Variants in TACC2 observed in about 807,000 individuals in gnomAD.
TACC2 encodes transforming acidic coiled-coil-containing protein 2.
Under a neutral mutation model 227.3 loss-of-function variants are expected in TACC2, and 137 were observed. The ratio of observed to expected loss-of-function variants is 0.60; its 90% CI spans 0.52 to 0.69. TACC2 has a LOEUF of 0.69. Ranked by LOEUF, TACC2 falls within the 30% of genes least tolerant of loss-of-function variation. The pLI is 0.00. For synonymous variants in TACC2, 1,523 were observed against 1,487.5 expected, an observed-to-expected ratio of 1.02 and a Z score of -0.55; for missense variants, 3,470 against 3,694.4, an observed-to-expected ratio of 0.94 and a Z score of 1.57.
intron 3 of TACC2, among the ~76,000 whole-genome samples, chr10:122,072,264 C>T (rs1336463921): frequency 6.6e-6 from 1 of 151,814 alleles, no homozygotes; most frequent in African/African-American, 2.4e-5. Flanking sequence ...TCCCCAGTAA[C>T]TCTTTAGAAT....
intron 3 of TACC2, among the ~76,000 whole-genome samples, chr10:122,058,100 C>T (rs1324971353): frequency 3.3e-5 from 5 of 152,248 alleles, no homozygotes; most frequent in African/African-American, 7.2e-5. Flanking sequence ...TGCCTTCGCA[C>T]CCTCTGCGTC....
intron 7 of TACC2, among the ~76,000 whole-genome samples, chr10:122,154,264 A>G (rs2092312870): frequency 6.6e-6 from 1 of 152,224 alleles, no homozygotes; most frequent in African/African-American, 2.4e-5. Flanking sequence ...TGCTGCTCGG[A>G]CAAAGGAGCC....
At chr10:122,191,423 A>C (rs2094405966) in intron 7 of TACC2, among the ~76,000 whole-genome samples, 1 of 152,204 alleles carries the variant, frequency 6.6e-6, no homozygotes, top group South Asian at 2.1e-4. Flanking sequence ...AGGGGTGTCC[A>C]ATCTTTTGGC....
rs34097153 is a variant in TACC2, at chr10:122,108,442, C to CTTTTTTT, written c.5573+19865_5573+19871dup. Among the ~76,000 whole-genome samples, 79 of 90,008 alleles carry CTTTTTTT rather than the reference C, an allele frequency of 8.8e-4. 1 individual carries two copies. Among genetic ancestry groups the CTTTTTTT allele is most frequent in the Non-Finnish European group, 1.1e-3 (54 of 49,438 alleles). 59.0% of individuals were successfully genotyped at this position (90,008 alleles called of 152,430 possible). A position where few individuals can be genotyped will look rare whatever the true frequency, so the allele number is the denominator to read the frequency against. ...TATATATATGTGTATGTCATATTTTCTTTTTTTTTTTTTTTTTTTTGAGAT... is the reference window on the plus strand; with the variant it reads ...TATATATATGTGTATGTCATATTTTCTTTTTTTTTTTTTTTTTTTTTTTTTTTGAGAT... On this transcript the variant is annotated intron_variant, in intron 5 of 22. Transcript: ENST00000369005.
chr10:122,206,978 G>A (rs1213390718), intron 8 of TACC2, among the ~76,000 whole-genome samples: 4 of 152,198 alleles, frequency 2.6e-5, no homozygotes, highest in Admixed American at 1.3e-4. Flanking sequence ...ATGCAGATAT[G>A]CCGTGTGGAT....
At chr10:122,068,671 C>CTTTTTT (rs55740675) in intron 3 of TACC2, among the ~76,000 whole-genome samples, 4 of 146,758 alleles carry the variant, frequency 2.7e-5, no homozygotes, top group Non-Finnish European at 3.0e-5. Flanking sequence ...CCTCCGAAAC[C>CTTTTTT]TTTTTTTTTT....
intron 5 of TACC2, among the ~76,000 whole-genome samples, chr10:122,101,830 C>T (rs529146313): frequency 6.7e-6 from 1 of 149,476 alleles, no homozygotes; most frequent in Admixed American, 6.7e-5. Context: ...CCTTGGCCTC[C>T]CGAAGTGCTG....
intron 5 of TACC2, among the ~76,000 whole-genome samples, chr10:122,119,076 G>A (rs1212120004): frequency 6.6e-6 from 1 of 152,100 alleles, no homozygotes; most frequent in African/African-American, 2.4e-5. Context: ...AACATCTCCA[G>A]AACTTACTCA....
intron 2 of TACC2, among the ~76,000 whole-genome samples, chr10:122,041,438 T>C (rs2074244528): frequency 9.3e-6 from 1 of 107,186 alleles, no homozygotes; most frequent in South Asian, 3.3e-4. Context: ...CAGAGTTTCC[T>C]TTCTTTTTTT....
intron 1 of TACC2, among the ~76,000 whole-genome samples, chr10:121,992,079 A>G (rs1181231756): frequency 6.6e-6 from 1 of 152,218 alleles, no homozygotes; most frequent in Non-Finnish European, 1.5e-5. Context: ...TGGGAATTTA[A>G]GATGAGATCC....
At chr10:122,063,400 A>G (rs1239431168) in intron 3 of TACC2, among the ~76,000 whole-genome samples, 1 of 152,230 alleles carries the variant, frequency 6.6e-6, no homozygotes, top group Admixed American at 6.5e-5. Context: ...TTTGGCAGGA[A>G]GTAAACACAG....
rs1353947220 is a variant in TACC2, at chr10:122,141,618, G to C, written c.5700-1954G>C. 6.6e-6 allele frequency among the ~76,000 whole-genome samples: 1 copy of C among 152,110 alleles called. No individual in the cohort carries two copies. Among genetic ancestry groups the C allele is most frequent in the Non-Finnish European group, 1.5e-5 (1 of 68,024 alleles). On this transcript the variant is annotated intron_variant, in intron 6 of 22. Coordinates refer to ENST00000369005, the MANE Select transcript of TACC2 (RefSeq NM_206862.4). The surrounding 1 kb of genome is among the most constrained non-coding windows in gnomAD (Gnocchi z 4.3). The stretch of plus-strand genomic sequence containing the variant: ...GGCATCTGCATCAGATCCCAGGGCT[G>C]TCAGCTGTCACAGAGCTGGCTTTGT...
intron 7 of TACC2, among the ~76,000 whole-genome samples, chr10:122,177,736 T>G (rs1164339658): frequency 6.6e-6 from 1 of 152,074 alleles, no homozygotes; most frequent in Non-Finnish European, 1.5e-5. Context: ...CAGAAAGAAT[T>G]GGGAGTGTGG....
chr10:122,113,811 C>T (rs945543678), intron 5 of TACC2, among the ~76,000 whole-genome samples: 3 of 152,248 alleles, frequency 2.0e-5, no homozygotes, highest in African/African-American at 7.2e-5. Context: ...TCCGGCGCAA[C>T]ACGTGACCCG....
intron 5 of TACC2, among the ~76,000 whole-genome samples, chr10:122,099,241 G>T (rs1333063428): frequency 6.6e-6 from 1 of 152,340 alleles, no homozygotes; most frequent in East Asian, 1.9e-4. Context: ...GAAGCAGCTG[G>T]TATTGAAACA....
In TACC2 at chr10:122,143,556, C is replaced by A. The variant is rs752873532; in HGVS notation, c.5700-16C>A. On this transcript the variant is annotated splice_polypyrimidine_tract_variant and intron_variant, in intron 6 of 22. Coordinates refer to ENST00000369005, the MANE Select transcript of TACC2 (RefSeq NM_206862.4). ...GCCCAGCACCATGTGGAATAATTCC[C>A]TCATTGTGTCCCCAGCATCTCCCCA... The A allele has an allele frequency of 1.4e-5, 22 of 1,612,762 alleles. No homozygotes were observed. In the Admixed American group the frequency reaches 3.7e-4, roughly 27 times the overall value.
rs755545115 is a variant in TACC2 at position 122,211,035 on chromosome 10, C to T, written c.6610C>T (p.Pro2204Ser). 3 of 1,612,538 alleles carry T rather than the reference C, an allele frequency of 1.9e-6. No homozygotes were observed. The highest frequency in any genetic ancestry group is 2.2e-5 in the East Asian group (1 of 44,856). The stretch of plus-strand genomic sequence containing the variant: ...CGCTGTGGGGCCCAAAGCTGCCTGC[C>T]CTCTGGACTCAGAGAGTGCAGAAGG... ...EPAVGPKAAC[P>S]LDSESAEGVV... The change falls in exon 9 of 23, where the codon CCT becomes TCT. Residue 2204 changes from proline to serine, a missense_variant. Coordinates refer to ENST00000369005, the MANE Select transcript of TACC2 (RefSeq NM_206862.4).
At chr10:122,065,245 C>A (rs1445653639) in intron 3 of TACC2, among the ~76,000 whole-genome samples, 1 of 152,114 alleles carries the variant, frequency 6.6e-6, no homozygotes, top group Non-Finnish European at 1.5e-5. Flanking sequence ...TGATTTGAGA[C>A]CTTATTAAAA....
chr10:122,030,780 G>C (rs2943758), intron 2 of TACC2, among the ~76,000 whole-genome samples: 63,124 of 151,560 alleles, frequency 0.42, 13,980 homozygotes, highest in African/African-American at 0.55. Context: ...TCTGCCTTTG[G>C]TAGAGAAACA....
Sources: allele counts gnomAD v4.1 joint callset (sites outside exome capture counted in the v4.1 genomes callset), GRCh38; gene constraint gnomAD v4.1.1; non-coding constraint Gnocchi (gnomAD v3.1); transcripts MANE v1.5; gene names NCBI Gene and HGNC (gene_info 2026-07-23, HGNC 2026-07-21).